The following ST8SIA1 variants were observed in gnomAD, a reference collection of about 807,000 sequenced individuals.
ST8SIA1 encodes the protein ST8 alpha-N-acetyl-neuraminide alpha-2,8-sialyltransferase 1.
A neutral mutation model predicts 35.9 loss-of-function variants in ST8SIA1; 16 were observed. The ratio of observed to expected loss-of-function variants is 0.45; its 90% CI spans 0.30 to 0.68. ST8SIA1 has a LOEUF of 0.68. Among genes scored for constraint, ST8SIA1 ranks in the 30% least tolerant of loss-of-function variants. The pLI is 0.09. For missense variants in ST8SIA1, 383 were observed against 453.6 expected (o/e 0.84, Z 1.41); for synonymous variants, 170 against 169.6 (o/e 1.00, Z -0.02).
At chr12:22,249,155 T>C in intron 3 of ST8SIA1, 57 bp from the exon 4 acceptor site, 7 of 1,113,718 alleles carry the variant, frequency 6.3e-6, no homozygotes, top group Non-Finnish European at 9.5e-6. Flanking sequence ...AATCATCAGT[T>C]AGAATAATAC....
chr12:22,320,957 G>GAGAGAAAGAA (rs1555162740), intron 1 of ST8SIA1, among the ~76,000 whole-genome samples: 1 of 83,228 alleles, frequency 1.2e-5, no homozygotes, highest in Non-Finnish European at 2.4e-5. Context: ...AAGAAAGAAA[G>GAGAGAAAGAA]AGAAAGAAAG....
Position 22,197,294 on chromosome 12 carries a change from T to A in ST8SIA1, c.*4258A>T, listed in dbSNP as rs931241508. The A allele has an allele frequency of 1.3e-5, 2 of 152,220 alleles. No individual in the cohort carries two copies. Among genetic ancestry groups the A allele is most frequent in the African/African-American group, 4.8e-5 (2 of 41,454 alleles). The allele number at this position is 152,220 out of a possible 1,614,324, so 9.4% of individuals were successfully genotyped here. On this transcript the variant is annotated 3_prime_UTR_variant, in exon 5 of 5. Coordinates refer to ENST00000396037, the MANE Select transcript of ST8SIA1 (RefSeq NM_003034.4). ...ACATAAACGTCCTTACAGCTTTTGA[T>A]CTTTGGAATTCTACAAACATAGAGA... is the stretch of plus-strand genomic sequence containing the variant.
intron 4 of ST8SIA1, among the ~76,000 whole-genome samples, chr12:22,242,868 G>T (rs2120732162): frequency 6.6e-6 from 1 of 152,208 alleles, no homozygotes; most frequent in Middle Eastern, 3.4e-3. Flanking sequence ...TTCAATCAGA[G>T]GATGAATGTG....
chr12:22,265,330 C>T (rs1865834904), intron 2 of ST8SIA1, among the ~76,000 whole-genome samples: 1 of 152,226 alleles, frequency 6.6e-6, no homozygotes, highest in Non-Finnish European at 1.5e-5. Flanking sequence ...GCAGGAAGTA[C>T]TAAGCTTCAT....
intron 1 of ST8SIA1, among the ~76,000 whole-genome samples, chr12:22,329,358 A>C (rs1866727826): frequency 6.6e-6 from 1 of 152,192 alleles, no homozygotes; most frequent in Non-Finnish European, 1.5e-5. Context: ...GGGGAAAAAA[A>C]AACATATATA....
chr12:22,334,070 T>C lies in ST8SIA1; in HGVS notation c.163A>G (p.Lys55Glu), dbSNP rs1430633118. Residue 55 changes from lysine to glutamate, a missense_variant, in exon 1 of 5, where the codon AAA becomes GAA. Transcript: ENST00000396037. ...IFPVYRLPNEKEIVQGVLQQG... is the reference protein window; with the variant it reads ...IFPVYRLPNEEEIVQGVLQQG... ...TGCAGCACCCCCTGCACGATCTCTT[T>C]CTCGTTGGGCAGCCGGTAGACGGGG... is the stretch of plus-strand genomic sequence containing the variant. The C allele has an allele frequency of 4.3e-6, 7 of 1,613,850 alleles. No homozygotes were observed. Among genetic ancestry groups the C allele is most frequent in the Non-Finnish European group, 5.9e-6 (7 of 1,180,000 alleles).
chr12:22,315,965 T>C (rs1565594542), intron 1 of ST8SIA1, among the ~76,000 whole-genome samples: 1 of 152,004 alleles, frequency 6.6e-6, no homozygotes, highest in Non-Finnish European at 1.5e-5. Flanking sequence ...ATCCTGTACA[T>C]GTAGCCCAGA....
Position 22,197,562 on chromosome 12 carries a change from C to T in ST8SIA1, c.*3990G>A, listed in dbSNP as rs151182002. On this transcript the variant is annotated 3_prime_UTR_variant, in exon 5 of 5. Transcript: ENST00000396037. ...TAAAACTGGAATATGTAGCTGCTGA[C>T]GAAAAGAAATGTTATCAATATTGTT... 98 of 152,202 alleles carry T rather than the reference C, an allele frequency of 6.4e-4. No homozygotes were observed. Among genetic ancestry groups the T allele is most frequent in the African/African-American group, 2.2e-3 (90 of 41,504 alleles). The allele number at this position is 152,202 out of a possible 1,614,324, so 9.4% of individuals were successfully genotyped here. A position where few individuals can be genotyped will look rare whatever the true frequency, so the allele number is the denominator to read the frequency against.
chr12:22,236,621 C>T (rs1199154769), intron 4 of ST8SIA1, among the ~76,000 whole-genome samples: 1 of 152,198 alleles, frequency 6.6e-6, no homozygotes, highest in East Asian at 1.9e-4. Flanking sequence ...CGTACCCTTG[C>T]TGGGTCCTCC....
intron 4 of ST8SIA1, chr12:22,223,289 A>C (rs893652358): frequency 3.2e-5 from 5 of 155,558 alleles, no homozygotes; most frequent in African/African-American, 1.2e-4. Flanking sequence ...TTTTTAAAAA[A>C]TGTTTAATCA....
chr12:22,249,554 GT>G (rs1865646504), intron 3 of ST8SIA1, among the ~76,000 whole-genome samples: 2 of 146,910 alleles, frequency 1.4e-5, no homozygotes, highest in South Asian at 4.3e-4. Context: ...GTTTTGTTTT[GT>G]TTTTTACCAC....
chr12:22,261,375 T>C (rs994237232), intron 2 of ST8SIA1, among the ~76,000 whole-genome samples: 5 of 152,138 alleles, frequency 3.3e-5, no homozygotes, highest in Non-Finnish European at 5.9e-5. Flanking sequence ...GTGATCTGCC[T>C]GCCTCGGCCT....
At chr12:22,326,658 A>C (rs1189246876) in intron 1 of ST8SIA1, among the ~76,000 whole-genome samples, 4 of 152,208 alleles carry the variant, frequency 2.6e-5, no homozygotes, top group Admixed American at 1.3e-4. Flanking sequence ...CATCCCACCC[A>C]GCCAAGTGAG....
intron 2 of ST8SIA1, among the ~76,000 whole-genome samples, chr12:22,269,844 T>C (rs911746195): frequency 1.3e-5 from 2 of 152,228 alleles, no homozygotes; most frequent in African/African-American, 4.8e-5. Flanking sequence ...CTCCTGCTGT[T>C]ACTTATCTGA....
At chr12:22,258,514 T>C (rs1040665880) in intron 2 of ST8SIA1, among the ~76,000 whole-genome samples, 3 of 150,946 alleles carry the variant, frequency 2.0e-5, no homozygotes, top group Admixed American at 1.3e-4. Flanking sequence ...AAGAAAAAAA[T>C]TACATCAAAT....
At chr12:22,306,933 C>A (rs1297372000) in intron 1 of ST8SIA1, among the ~76,000 whole-genome samples, 3 of 152,084 alleles carry the variant, frequency 2.0e-5, no homozygotes, top group Non-Finnish European at 1.5e-5. Flanking sequence ...TTAATTTCTA[C>A]TATCACATTT....
At position 22,266,501 on chromosome 12, in the gene ST8SIA1, A is replaced by AT. The variant is rs1456423324; in HGVS notation, c.382-11113_382-11112insA. Among the ~76,000 whole-genome samples, 1,147 of 143,758 alleles carry AT rather than the reference A, an allele frequency of 8.0e-3. 10 individuals are homozygous for AT. The highest frequency in any genetic ancestry group is 0.011 in the Non-Finnish European group (714 of 65,368). The allele number at this position is 143,758 out of a possible 152,430, so 94.3% of individuals were successfully genotyped here. On this transcript the variant is annotated intron_variant, in intron 2 of 4. Coordinates refer to ENST00000396037, the MANE Select transcript of ST8SIA1 (RefSeq NM_003034.4). ...ACCAGAAAACCCCTATTTAAAAAAA[A>AT]AATATATATATATATAGGCCAGGCA...
rs1452443907 is a variant in ST8SIA1 at position 22,202,001 on chromosome 12, C to T, written c.622G>A (p.Asp208Asn). 1 of 1,611,740 alleles carries T rather than the reference C, an allele frequency of 6.2e-7. No homozygotes were observed. Among genetic ancestry groups the T allele is most frequent in the Admixed American group, 1.7e-5 (1 of 59,602 alleles). Reference protein sequence around the residue: ...NLLWSRKTFVDNMKIYNHSYI... With the variant: ...NLLWSRKTFVNNMKIYNHSYI... ...CTGTGGTTATAAATTTTCATGTTGTCCACAAATGTCTTTCTGGACCACAGA... is the reference window on the plus strand; with the variant it reads ...CTGTGGTTATAAATTTTCATGTTGTTCACAAATGTCTTTCTGGACCACAGA... Residue 208 changes from aspartate (D) to asparagine (N), a missense_variant, in exon 5 of 5, where the codon GAC (aspartate) becomes AAC (asparagine). By Grantham distance (23) the Asp-to-Asn change is conservative. Coordinates refer to ENST00000396037, the MANE Select transcript of ST8SIA1 (RefSeq NM_003034.4).
intron 1 of ST8SIA1, among the ~76,000 whole-genome samples, chr12:22,296,510 C>A (rs1039007564): frequency 6.6e-6 from 1 of 152,162 alleles, no homozygotes; most frequent in Non-Finnish European, 1.5e-5. Context: ...AGCAAAGTAT[C>A]CCTCTATTAG....
Sources: gnomAD v4.1 joint callset for allele counts (sites outside exome capture counted in the v4.1 genomes callset) on GRCh38, gnomAD v4.1.1 for gene constraint, MANE v1.5 for transcripts, NCBI Gene and HGNC (gene_info 2026-07-23, HGNC 2026-07-21) for gene names.